SCN8A: variants seen among roughly 807,000 people sequenced by gnomAD.
The protein encoded by SCN8A is sodium voltage-gated channel alpha subunit 8, also known as sodium channel protein type 8 subunit alpha.
SCN8A carries 30 observed loss-of-function variants against 184.1 expected under a neutral mutation model. The ratio of observed to expected loss-of-function variants is 0.16; its 90% CI spans 0.12 to 0.22. SCN8A has a LOEUF of 0.22. Ranked by LOEUF, SCN8A falls within the 10% of genes least tolerant of loss-of-function variation. SCN8A has a pLI of 1.00. For synonymous variants in SCN8A, 852 were observed against 907.0 expected, an observed-to-expected ratio of 0.94 and a Z score of 1.09; for missense variants, 1,057 against 2,498.9, an observed-to-expected ratio of 0.42 and a Z score of 12.30.
chr12:51,592,559 C>T (rs1592315374), intron 1 of SCN8A, among the ~76,000 whole-genome samples: 1 of 151,808 alleles, frequency 6.6e-6, no homozygotes, highest in African/African-American at 2.4e-5. Flanking sequence ...TGGATGTCAT[C>T]TGTTTGGGGG....
chr12:51,758,884 A>T (rs909438764), intron 14 of SCN8A, among the ~76,000 whole-genome samples: 5 of 152,114 alleles, frequency 3.3e-5, no homozygotes, highest in South Asian at 2.1e-4. Context: ...TCCAAGGGGG[A>T]TACATTCCAA....
intron 1 of SCN8A, among the ~76,000 whole-genome samples, chr12:51,622,598 G>T (rs1187939906): frequency 6.6e-6 from 1 of 152,154 alleles, no homozygotes; most frequent in East Asian, 1.9e-4. Flanking sequence ...CAGAGGTGAA[G>T]TGCCTTCCTC....
intron 1 of SCN8A, among the ~76,000 whole-genome samples, chr12:51,616,170 A>C (rs1939831404): frequency 6.6e-6 from 1 of 152,152 alleles, no homozygotes; most frequent in Non-Finnish European, 1.5e-5. Context: ...CCATCTAAAG[A>C]ATTTCCTTTA....
chr12:51,801,972 T>C (rs1413891273), intron 26 of SCN8A, among the ~76,000 whole-genome samples: 1 of 152,108 alleles, frequency 6.6e-6, no homozygotes, highest in Admixed American at 6.5e-5. Context: ...CGAGAATCAC[T>C]TGAACCCAGG....
At chr12:51,694,572 G>T (rs1161364788) in intron 6 of SCN8A, among the ~76,000 whole-genome samples, 1 of 152,320 alleles carries the variant, frequency 6.6e-6, no homozygotes, top group South Asian at 2.1e-4. Flanking sequence ...TTTTCCAAGA[G>T]TTCTCACTGT....
intron 1 of SCN8A, among the ~76,000 whole-genome samples, chr12:51,606,825 G>GTATTTTATTT (rs56405324): frequency 4.0e-4 from 60 of 150,026 alleles, no homozygotes; most frequent in African/African-American, 9.8e-4. Flanking sequence ...ATATTCCTAA[G>GTATTTTATTT]TATTTTATTT....
chr12:51,701,099 A>C (rs774222839), intron 7 of SCN8A, 45 bp from the exon 8 acceptor site: 1 of 1,335,710 alleles, frequency 7.5e-7, no homozygotes, highest in African/African-American at 1.4e-5. Flanking sequence ...TCTCTCATTC[A>C]CTTAAATCTG....
chr12:51,744,613 C>CTT (rs1410294336), intron 12 of SCN8A, among the ~76,000 whole-genome samples: 1,501 of 137,526 alleles, frequency 0.011, 31 homozygotes, highest in African/African-American at 0.036. Flanking sequence ...TGATGAAACA[C>CTT]TTTTTTTTTT....
intron 15 of SCN8A, among the ~76,000 whole-genome samples, chr12:51,765,045 G>A (rs556750710): frequency 6.6e-6 from 1 of 152,092 alleles, no homozygotes; most frequent in East Asian, 1.9e-4. Flanking sequence ...CAAATGCTAG[G>A]ATTACAGGCA....
Position 51,704,874 on chromosome 12 carries a change from C to T in SCN8A, c.1135-543C>T, listed in dbSNP as rs533940471. ...CCTGTAATCCCAGCTACTCGGGAGG[C>T]TGAGGCAGGAGAATCGCTTGAACCT... On this transcript the variant is annotated intron_variant, in intron 9 of 26. Coordinates refer to ENST00000627620, the MANE Select transcript of SCN8A (RefSeq NM_001330260.2). 3.3e-5 allele frequency among the ~76,000 whole-genome samples: 5 copies of T among 152,020 alleles called. No homozygotes were observed. In the East Asian group the frequency reaches 7.7e-4, roughly 24 times the overall value.
intron 2 of SCN8A, among the ~76,000 whole-genome samples, chr12:51,668,815 C>G (rs1941081287): frequency 6.6e-6 from 1 of 152,184 alleles, no homozygotes; most frequent in Non-Finnish European, 1.5e-5. Context: ...TATTTCCTAT[C>G]TGCCATAGTC....
intron 25 of SCN8A, among the ~76,000 whole-genome samples, chr12:51,792,306 C>T (rs1252902667): frequency 1.5e-5 from 2 of 136,658 alleles, no homozygotes; most frequent in African/African-American, 5.2e-5. Context: ...CACAGTGAAA[C>T]CCCATCTGTA....
At chr12:51,717,202 C>T (rs1941980347) in intron 11 of SCN8A, among the ~76,000 whole-genome samples, 1 of 152,222 alleles carries the variant, frequency 6.6e-6, no homozygotes, top group Non-Finnish European at 1.5e-5. Flanking sequence ...GCAGTTGCCT[C>T]TGTGTCTGTC....
chr12:51,664,289 C>A (rs1445396917), intron 2 of SCN8A, among the ~76,000 whole-genome samples: 1 of 149,188 alleles, frequency 6.7e-6, no homozygotes, highest in Non-Finnish European at 1.5e-5. Context: ...CTCACTGCGA[C>A]CTCTGCTTCC....
At chr12:51,735,483 G>C (rs1302497255) in intron 12 of SCN8A, among the ~76,000 whole-genome samples, 1 of 152,168 alleles carries the variant, frequency 6.6e-6, no homozygotes, top group East Asian at 1.9e-4. Context: ...CAGAAAGCAT[G>C]TGTAACTGTG....
intron 2 of SCN8A, among the ~76,000 whole-genome samples, chr12:51,683,618 T>C (rs1485509895): frequency 2.6e-5 from 4 of 152,188 alleles, no homozygotes; most frequent in Admixed American, 2.6e-4. Context: ...ACTCCAGCAT[T>C]CTTGATCTTC....
chr12:51,679,062 C>T (rs948537321), intron 2 of SCN8A, among the ~76,000 whole-genome samples: 2 of 148,412 alleles, frequency 1.3e-5, no homozygotes, highest in Non-Finnish European at 3.0e-5. Flanking sequence ...GGCAGCAGAG[C>T]GAGGCTCCGT....
intron 1 of SCN8A, among the ~76,000 whole-genome samples, chr12:51,601,855 GTTTTTTTTT>G (rs938674707): frequency 3.0e-4 from 33 of 109,760 alleles, no homozygotes; most frequent in South Asian, 1.3e-3. Context: ...CAGAGAAAGG[GTTTTTTTTT>G]TTTTTTTTTT....
At chr12:51,783,797 A>G (rs1176093981) in intron 21 of SCN8A, among the ~76,000 whole-genome samples, 1 of 152,244 alleles carries the variant, frequency 6.6e-6, no homozygotes, top group South Asian at 2.1e-4. Flanking sequence ...GAGCAACAAT[A>G]ATGTCCGAGA....
Sources: allele counts gnomAD v4.1 joint callset (sites outside exome capture counted in the v4.1 genomes callset), GRCh38; gene constraint gnomAD v4.1.1; transcripts MANE v1.5; gene names NCBI Gene and HGNC (gene_info 2026-07-23, HGNC 2026-07-21).